The following CPLANE1 variants were observed in gnomAD, a reference collection of about 807,000 sequenced individuals.
CPLANE1 encodes the protein ciliogenesis and planar polarity effector complex subunit 1.
Under a neutral mutation model 362.5 loss-of-function variants are expected in CPLANE1, and 263 were observed. The ratio of observed to expected loss-of-function variants is 0.73; its 90% CI spans 0.66 to 0.80. CPLANE1 has a LOEUF of 0.80. Ranked by LOEUF, CPLANE1 falls within the 30% of genes least tolerant of loss-of-function variation. The pLI is 0.00. For missense variants in CPLANE1, 3,461 were observed against 3,793.4 expected, an observed-to-expected ratio of 0.91 and a Z score of 2.30; for synonymous variants, 1,212 against 1,302.6, an observed-to-expected ratio of 0.93 and a Z score of 1.50.
rs1319932651 is a variant in CPLANE1 at position 37,245,482 on chromosome 5, C to A, written c.334G>T (p.Val112Phe). ...EKPKEMIKAT[V>F]ASSLRLYLYV... ...AAACAAATAAAAAAATTCCCACCGA[C>A]TGTAGCTTTGATCATTTCCTTAGGC... is the stretch of plus-strand genomic sequence containing the variant. Residue 112 changes from valine (V) to phenylalanine (F), a missense_variant, in exon 4 of 53, where the codon GTC (valine) becomes TTC (phenylalanine). Physicochemically the swap from Val to Phe is conservative, Grantham distance 50 (BLOSUM62 -1). Transcript: ENST00000651892. 1 of 1,468,766 alleles carries A rather than the reference C, an allele frequency of 6.8e-7. No homozygotes were observed. Among genetic ancestry groups the A allele is most frequent in the Non-Finnish European group, 9.0e-7 (1 of 1,107,760 alleles). The allele number at this position is 1,468,766 out of a possible 1,614,324, so 91.0% of individuals were successfully genotyped here.
chr5:37,233,566 G>C (rs1034450325), intron 8 of CPLANE1, among the ~76,000 whole-genome samples: 1 of 152,052 alleles, frequency 6.6e-6, no homozygotes, highest in Non-Finnish European at 1.5e-5. Flanking sequence ...CCACAGAGCA[G>C]CTATGTCATG....
At chr5:37,082,287 A>T in the CPLANE1 span, among the ~76,000 whole-genome samples, 1 of 152,192 alleles carries the variant, frequency 6.6e-6, no homozygotes, top group Non-Finnish European at 1.5e-5. Context: ...TACACATTCA[A>T]TGCAATCTGT....
chr5:37,142,533 C>T, intron 43 of CPLANE1, 53 bp from the exon 44 acceptor site: 3 of 1,225,956 alleles, frequency 2.4e-6, no homozygotes, highest in Admixed American at 2.9e-5. Context: ...GAAAAAAGAT[C>T]ACATGGAAAA....
At chr5:37,089,563 T>G in the CPLANE1 span, among the ~76,000 whole-genome samples, 1 of 152,212 alleles carries the variant, frequency 6.6e-6, no homozygotes, top group Non-Finnish European at 1.5e-5. Flanking sequence ...TCACCCATTT[T>G]TGTCATTCCC....
intron 30 of CPLANE1, among the ~76,000 whole-genome samples, chr5:37,176,479 A>T (rs1004273618): frequency 5.3e-5 from 8 of 152,122 alleles, no homozygotes; most frequent in Admixed American, 5.2e-4. Context: ...TAAAAAAAAT[A>T]CAAAAAAATT....
At position 37,187,797 on chromosome 5, in the gene CPLANE1, C is replaced by T. The variant is rs139464953; in HGVS notation, c.3857G>A (p.Arg1286His). ...LCALCWMLHV[R>H]DKLSYSCRQY... is the part of the protein sequence containing the mutation. Reference sequence around the variant, plus strand: ...CCTGCAACTATAGGATAACTTATCACGGACATGCAGCATCCAACACAGAGC... The same window carrying T: ...CCTGCAACTATAGGATAACTTATCATGGACATGCAGCATCCAACACAGAGC... Residue 1286 changes from arginine to histidine, a missense_variant, in exon 22 of 53, where the codon CGT (arginine) becomes CAT (histidine). Arg to His is a conservative substitution (Grantham distance 29). Around this residue, in one of 2 missense-constraint regions of CPLANE1, gnomAD observed 3,380 missense variants for 3,666.1 expected, o/e 0.92. Transcript: ENST00000651892. 21 of 1,613,832 alleles carry T rather than the reference C, an allele frequency of 1.3e-5. No homozygotes were observed. The highest frequency in any genetic ancestry group is 1.8e-5 in the Non-Finnish European group (21 of 1,179,854).
intron 21 of CPLANE1, among the ~76,000 whole-genome samples, chr5:37,192,853 C>CAAAAA (rs1167999028): frequency 1.3e-5 from 1 of 74,888 alleles, no homozygotes. Flanking sequence ...TAGACTCCAT[C>CAAAAA]AAAAAAAAAA....
chr5:37,180,284 C>T lies in CPLANE1; in HGVS notation c.5571-101G>A, dbSNP rs561989366. 3.6e-4 allele frequency: 248 copies of T among 679,604 alleles called. 3 individuals carry two copies. In the South Asian group the frequency reaches 7.7e-3, roughly 21 times the overall value. 42.1% of individuals were successfully genotyped at this position (679,604 alleles called of 1,614,324 possible). A position where few individuals can be genotyped will look rare whatever the true frequency, so the allele number is the denominator to read the frequency against. On this transcript the variant is annotated intron_variant, in intron 27 of 52. Coordinates refer to ENST00000651892, the MANE Select transcript of CPLANE1 (RefSeq NM_001384732.1). ...TGTTTTTTTTTTTAAGATGGAGTCT[C>T]GCCCAGGCTGGAGTGCAATGGCGCA...
chr5:37,180,105 T>C lies in CPLANE1; in HGVS notation c.5649A>G (p.Lys1883=), dbSNP rs746712855. The C allele has an allele frequency of 3.2e-6, 5 of 1,566,082 alleles. No individual in the cohort carries two copies. The East Asian group carries it at 1.1e-4, about 36-fold the overall frequency. The change falls in exon 28 of 53, where the codon AAA becomes AAG. Residue 1883 remains lysine (K), a synonymous_variant. Transcript: ENST00000651892. ...TCTCATCAATATCTATAAATTCTTT[T>C]TTAGTATTATGAGTGATGGAAATAA... The part of the protein sequence containing the change: ...DDIISITHNT[K]KEFIDIDENL...
intron 9 of CPLANE1, 107 bp from the exon 10 acceptor site, chr5:37,227,924 A>C (rs1296486907): frequency 2.8e-6 from 3 of 1,087,092 alleles, no homozygotes; most frequent in African/African-American, 3.2e-5. Context: ...TGAAAAAGCA[A>C]GCAAGTGAAA....
At chr5:37,221,009 G>A (rs952563889) in intron 15 of CPLANE1, among the ~76,000 whole-genome samples, 2 of 152,146 alleles carry the variant, frequency 1.3e-5, no homozygotes, top group Non-Finnish European at 2.9e-5. Context: ...AAATCCTGGG[G>A]ATTCTAAGAT....
chr5:37,143,996 G>A (rs1426172003), intron 43 of CPLANE1, among the ~76,000 whole-genome samples: 1 of 151,352 alleles, frequency 6.6e-6, no homozygotes, highest in Non-Finnish European at 1.5e-5. Flanking sequence ...CCTCTATTAG[G>A]TGTTTTAGAG....
chr5:37,180,790 C>T (rs940158422), intron 27 of CPLANE1, 67 bp downstream of exon 27: 19 of 1,494,262 alleles, frequency 1.3e-5, no homozygotes, highest in Non-Finnish European at 4.6e-6. Flanking sequence ...TTGATCTTCC[C>T]TTTAAGCCCA....
At chr5:37,176,420 G>A (rs935120154) in intron 30 of CPLANE1, among the ~76,000 whole-genome samples, 1 of 152,016 alleles carries the variant, frequency 6.6e-6, no homozygotes, top group Non-Finnish European at 1.5e-5. Flanking sequence ...CAGATCACCT[G>A]AGCTCAGGAG....
chr5:37,160,627 T>C (rs112979592), intron 38 of CPLANE1, among the ~76,000 whole-genome samples: 226 of 151,706 alleles, frequency 1.5e-3, no homozygotes, highest in Admixed American at 1.9e-3. Context: ...CCATTTTACA[T>C]GTGCTCAACT....
chr5:37,248,094 G>A (rs1012420448), intron 1 of CPLANE1, among the ~76,000 whole-genome samples: 2 of 149,538 alleles, frequency 1.3e-5, no homozygotes, highest in Admixed American at 1.3e-4. Flanking sequence ...ATGGACCACT[G>A]AAGATCTTAA....
In CPLANE1 at chr5:37,183,904, A is replaced by G. The variant is rs115161689; in HGVS notation, c.4482-205T>C. ...GAACATTTCTACTATGAGATCAAAA[A>G]AAAATTACTATCAAAAGGGAAAATT... is the stretch of plus-strand genomic sequence containing the variant. On this transcript the variant is annotated intron_variant, in intron 25 of 52. Transcript: ENST00000651892. Among the ~76,000 whole-genome samples the G allele has an allele frequency of 0.021, 3,245 of 152,278 alleles. 129 individuals are homozygous for G. The highest frequency in any genetic ancestry group is 0.075 in the African/African-American group (3,120 of 41,530).
chr5:37,114,127 A>T (rs1485700455), intron 51 of CPLANE1, among the ~76,000 whole-genome samples: 1 of 152,174 alleles, frequency 6.6e-6, no homozygotes, highest in Non-Finnish European at 1.5e-5. Context: ...GTGGGTTTTT[A>T]AAAAATCATT....
downstream of CPLANE1, among the ~76,000 whole-genome samples, chr5:37,105,322 CAAAAACAAAACA>C (rs529442994): frequency 0.039 from 5,978 of 151,954 alleles, 163 homozygotes; most frequent in Non-Finnish European, 0.062. Flanking sequence ...AAAACAAAAA[CAAAAACAAAACA>C]AAAAACAAAA....
Sources: allele counts gnomAD v4.1 joint callset (sites outside exome capture counted in the v4.1 genomes callset), GRCh38; gene constraint gnomAD v4.1.1; regional missense constraint gnomAD v4.1.1; transcripts MANE v1.5; gene names NCBI Gene and HGNC (gene_info 2026-07-23, HGNC 2026-07-21).